FTCDNL1: variants seen among roughly 807,000 people sequenced by gnomAD.
The protein encoded by FTCDNL1 is formiminotransferase N-terminal subdomain-containing protein.
Under a neutral mutation model 5.9 loss-of-function variants are expected in FTCDNL1, and 11 were observed. The observed-to-expected ratio is 1.87, with a 90% CI of 1.18 to 3.10. The LOEUF is 3.10. Among genes scored for constraint, FTCDNL1 ranks in the 30% most tolerant of loss-of-function variants. FTCDNL1 has a pLI of 0.00. For synonymous variants in FTCDNL1, 58 were observed against 24.8 expected, an observed-to-expected ratio of 2.34 and a Z score of -3.99; for missense variants, 115 against 65.5, an observed-to-expected ratio of 1.76 and a Z score of -2.61.
the FTCDNL1 span, among the ~76,000 whole-genome samples, chr2:199,749,547 A>G: frequency 2.6e-5 from 4 of 152,134 alleles, no homozygotes; most frequent in Non-Finnish European, 5.9e-5. Flanking sequence ...TCCCCCTAAA[A>G]AAAAAAAGAG....
the FTCDNL1 span, among the ~76,000 whole-genome samples, chr2:199,744,461 G>C: frequency 6.8e-6 from 1 of 147,582 alleles, no homozygotes; most frequent in Non-Finnish European, 1.5e-5. Flanking sequence ...GAGAGAGAGA[G>C]AGAGACAGAG....
the FTCDNL1 span, among the ~76,000 whole-genome samples, chr2:199,670,243 T>C: frequency 2.0e-5 from 3 of 152,222 alleles, no homozygotes; most frequent in Non-Finnish European, 4.4e-5. Context: ...TAATATTTAA[T>C]TTTGGAATGC....
chr2:199,823,004 C>T (rs542352936), intron 3 of FTCDNL1, among the ~76,000 whole-genome samples: 2 of 152,158 alleles, frequency 1.3e-5, no homozygotes, highest in African/African-American at 4.8e-5. Context: ...GTGTGTTCCA[C>T]CACTCCTAGC....
intron 4 of FTCDNL1, among the ~76,000 whole-genome samples, chr2:199,813,912 C>CAAAAAAAAAAAAAAAAAAAAAAAAAAAA: frequency 9.4e-6 from 1 of 106,384 alleles, no homozygotes; most frequent in Non-Finnish European, 1.9e-5. Flanking sequence ...GACTCTGTCT[C>CAAAAAAAAAAAAAAAAAAAAAAAAAAAA]AAAAAAAAAA....
At chr2:199,782,470 G>A (rs2106330501) in intron 3 of FTCDNL1, among the ~76,000 whole-genome samples, 1 of 152,288 alleles carries the variant, frequency 6.6e-6, no homozygotes, top group East Asian at 1.9e-4. Flanking sequence ...TATTTTGATT[G>A]AGGGGGAAAG....
chr2:199,712,637 C>A, the FTCDNL1 span, among the ~76,000 whole-genome samples: 1 of 152,182 alleles, frequency 6.6e-6, no homozygotes, highest in African/African-American at 2.4e-5. Context: ...AGCCAGAAGC[C>A]TTACATCAAG....
chr2:199,850,623 C>T (rs1004479668), intron 1 of FTCDNL1, 117 bp downstream of exon 1: 31 of 152,288 alleles, frequency 2.0e-4, no homozygotes, highest in African/African-American at 7.5e-4. Flanking sequence ...CCAGCTCATC[C>T]TTCAATTACC....
At chr2:199,850,652 A>AT (rs2076851833) in intron 1 of FTCDNL1, 88 bp downstream of exon 1, 1 of 152,336 alleles carries the variant, frequency 6.6e-6, no homozygotes, top group African/African-American at 2.4e-5. Context: ...ACCTCTGGTG[A>AT]TAGATTAAAC....
chr2:199,748,250 A>G, the FTCDNL1 span, among the ~76,000 whole-genome samples: 1 of 152,196 alleles, frequency 6.6e-6, no homozygotes, highest in African/African-American at 2.4e-5. Flanking sequence ...CTACGGAAAG[A>G]GTTTGAGAAA....
At chr2:199,760,219 A>C (rs1235827058), downstream of FTCDNL1, among the ~76,000 whole-genome samples, 2 of 144,466 alleles carry the variant, frequency 1.4e-5, no homozygotes, top group East Asian at 2.0e-4. Flanking sequence ...AAAAAAAAAA[A>C]CAAAAAACTC....
Position 199,783,705 on chromosome 2 carries a change from A to G in FTCDNL1, c.212-22870T>C, listed in dbSNP as rs577002380. ...CCTACCCATGTTAGGTGGGTCCAGC[A>G]GCACCTTCAGGACACAATTCTCCTC... On this transcript the variant is annotated intron_variant, in intron 3 of 3. Coordinates refer to the FTCDNL1 transcript ENST00000416668. Among the ~76,000 whole-genome samples, 43 of 152,272 alleles carry G rather than the reference A, an allele frequency of 2.8e-4. 1 individual carries two copies. In the South Asian group the frequency reaches 8.5e-3, roughly 30 times the overall value.
At chr2:199,761,287 G>C (rs1195430284) in intron 3 of FTCDNL1, among the ~76,000 whole-genome samples, 2 of 152,176 alleles carry the variant, frequency 1.3e-5, no homozygotes, top group South Asian at 2.1e-4. Context: ...TGCATGCTCT[G>C]TCCCTGTTGG....
chr2:199,813,966 T>G (rs988963141), intron 4 of FTCDNL1, among the ~76,000 whole-genome samples: 2 of 145,176 alleles, frequency 1.4e-5, no homozygotes, highest in African/African-American at 5.1e-5. Context: ...GAAAACCTGG[T>G]GAGTGCCAGG....
chr2:199,780,700 G>C (rs1699321600), intron 3 of FTCDNL1, among the ~76,000 whole-genome samples: 1 of 152,178 alleles, frequency 6.6e-6, no homozygotes. Flanking sequence ...CCCTAGCTTA[G>C]GGCATGGCTG....
chr2:199,783,663 G>A, intron 3 of FTCDNL1, among the ~76,000 whole-genome samples: 1 of 152,034 alleles, frequency 6.6e-6, no homozygotes, highest in East Asian at 1.9e-4. Flanking sequence ...GTCCCATACA[G>A]CCTCTCCTGG....
Position 199,850,984 on chromosome 2 carries a change from G to C in FTCDNL1, c.-252C>G, listed in dbSNP as rs907156042. The C allele has an allele frequency of 6.6e-6, 1 of 152,006 alleles. No individual in the cohort carries two copies. The highest frequency in any genetic ancestry group is 6.6e-5 in the Admixed American group (1 of 15,266). The allele number at this position is 152,006 out of a possible 1,614,324, so 9.4% of individuals were successfully genotyped here. A position where few individuals can be genotyped will look rare whatever the true frequency, so the allele number is the denominator to read the frequency against. ...GCGCGGGGTTGTGGCGCCTGGGAGCGAGGGGCAGCCGGCGGCTGCGCTGCC... is the reference window on the plus strand; with the variant it reads ...GCGCGGGGTTGTGGCGCCTGGGAGCCAGGGGCAGCCGGCGGCTGCGCTGCC... On this transcript the variant is annotated 5_prime_UTR_variant, in exon 1 of 5. Transcript: ENST00000420128.
At chr2:199,746,188 A>G in the FTCDNL1 span, among the ~76,000 whole-genome samples, 3 of 152,190 alleles carry the variant, frequency 2.0e-5, no homozygotes, top group Admixed American at 2.0e-4. Context: ...GTGGTTAATC[A>G]TCCCTTTGCA....
intron 3 of FTCDNL1, among the ~76,000 whole-genome samples, chr2:199,772,481 A>G (rs1698862159): frequency 6.6e-6 from 1 of 152,150 alleles, no homozygotes; most frequent in African/African-American, 2.4e-5. Flanking sequence ...CCAAGGTATG[A>G]CATATAGTAG....
intron 3 of FTCDNL1, among the ~76,000 whole-genome samples, chr2:199,771,529 T>G (rs896372880): frequency 6.6e-6 from 1 of 152,258 alleles, no homozygotes; most frequent in Non-Finnish European, 1.5e-5. Context: ...TAATCATAAT[T>G]ATTTTAAATA....
Sources: gnomAD v4.1 joint callset for allele counts (sites outside exome capture counted in the v4.1 genomes callset) on GRCh38, gnomAD v4.1.1 for gene constraint, MANE v1.5 for transcripts, NCBI Gene and HGNC (gene_info 2026-07-23, HGNC 2026-07-21) for gene names.